PRKN: variants seen among roughly 807,000 people sequenced by gnomAD.
PRKN encodes the protein E3 ubiquitin-protein ligase parkin.
In PRKN, 56 loss-of-function variants were observed where a neutral mutation model predicts 59.5. That is an observed-to-expected ratio of 0.94 (90% confidence interval 0.76 to 1.18). PRKN has a LOEUF of 1.18. PRKN is among the 50% of genes most tolerant of loss of function. PRKN has a pLI of 0.00. For missense variants in PRKN, 657 were observed against 596.4 expected, an observed-to-expected ratio of 1.10 and a Z score of -1.06; for synonymous variants, 250 against 222.1, an observed-to-expected ratio of 1.13 and a Z score of -1.12.
chr6:162,197,375 A>G (rs1229369147), intron 4 of PRKN, among the ~76,000 whole-genome samples: 1 of 152,194 alleles, frequency 6.6e-6, no homozygotes, highest in African/African-American at 2.4e-5. Flanking sequence ...CCTATGGACT[A>G]GCTACACTAG....
intron 11 of PRKN, among the ~76,000 whole-genome samples, chr6:161,350,666 T>C (rs1784499381): frequency 1.2e-5 from 1 of 85,260 alleles, no homozygotes; most frequent in African/African-American, 5.2e-5. Context: ...TTTATATATT[T>C]ATATTTAAAA....
chr6:161,820,521 TA>T lies in PRKN; in HGVS notation c.735-34614del, dbSNP rs370391739. On this transcript the variant is annotated intron_variant, in intron 6 of 11. Transcript: ENST00000366898. ...ATATACTATGTAATTTTTCATAATTTAAAAAATAAAAATTTTATTCATTTAC... is the reference window on the plus strand; with the variant it reads ...ATATACTATGTAATTTTTCATAATTTAAAAATAAAAATTTTATTCATTTAC... Among the ~76,000 whole-genome samples the T allele has an allele frequency of 2.7e-3, 399 of 147,368 alleles. 17 individuals carry two copies. The South Asian group carries it at 0.069, about 26-fold the overall frequency.
intron 1 of PRKN, among the ~76,000 whole-genome samples, chr6:162,532,417 G>GT (rs1281977159): frequency 6.6e-6 from 1 of 152,216 alleles, no homozygotes; most frequent in African/African-American, 2.4e-5. Context: ...CAGGGGCTTG[G>GT]TTTTATCTTT....
chr6:161,364,118 G>A (rs1359739157), intron 10 of PRKN, among the ~76,000 whole-genome samples: 5 of 144,120 alleles, frequency 3.5e-5, no homozygotes, highest in Admixed American at 1.5e-4. Flanking sequence ...GCAGTGAGCC[G>A]AGATCACGCC....
At chr6:161,720,975 T>C (rs964135975) in intron 7 of PRKN, among the ~76,000 whole-genome samples, 114 of 152,192 alleles carry the variant, frequency 7.5e-4, no homozygotes, top group African/African-American at 2.5e-3. Context: ...TTAAAGCTTT[T>C]GGACTTAGGC....
intron 7 of PRKN, among the ~76,000 whole-genome samples, chr6:161,708,084 T>G (rs1007786730): frequency 1.3e-5 from 2 of 152,192 alleles, no homozygotes; most frequent in Non-Finnish European, 2.9e-5. Flanking sequence ...GAATTAAGTG[T>G]CTGATTCTAA....
chr6:162,166,135 G>GCT (rs1056218067), intron 4 of PRKN, among the ~76,000 whole-genome samples: 1 of 151,190 alleles, frequency 6.6e-6, no homozygotes, highest in African/African-American at 2.4e-5. Context: ...TTGTATAAAT[G>GCT]CTCTATTCAA....
chr6:161,915,229 T>C (rs1778510696), intron 6 of PRKN, among the ~76,000 whole-genome samples: 1 of 152,160 alleles, frequency 6.6e-6, no homozygotes. Flanking sequence ...GAGGTTGCAG[T>C]GAGCCGAGGT....
At chr6:162,025,374 C>A (rs1415966283) in intron 5 of PRKN, among the ~76,000 whole-genome samples, 1 of 152,056 alleles carries the variant, frequency 6.6e-6, no homozygotes, top group Non-Finnish European at 1.5e-5. Flanking sequence ...ACCATCAAAT[C>A]TGCAAAGGTA....
At chr6:161,978,005 G>GTTATTTTATTGTATT (rs1423811641) in intron 5 of PRKN, among the ~76,000 whole-genome samples, 4 of 149,252 alleles carry the variant, frequency 2.7e-5, no homozygotes, top group Non-Finnish European at 6.0e-5. Context: ...CTAATTTGCA[G>GTTATTTTATTGTATT]TTATTTTATT....
chr6:161,882,340 C>T (rs1024620858), intron 6 of PRKN, among the ~76,000 whole-genome samples: 1 of 152,056 alleles, frequency 6.6e-6, no homozygotes, highest in African/African-American at 2.4e-5. Flanking sequence ...GGCATGGGGG[C>T]GGGGCGGGGG....
rs1177984695 is a variant in PRKN, at chr6:161,872,109, G to GGAGA, written c.735-86205_735-86202dup. On this transcript the variant is annotated intron_variant, in intron 6 of 11. Transcript: ENST00000366898. The stretch of plus-strand genomic sequence containing the variant: ...GCCCTATTTAGCTTACATTCTAGTG[G>GGAGA]GAGAGAGAATAAATAGACAAACAAG... Among the ~76,000 whole-genome samples the GGAGA allele has an allele frequency of 2.6e-5, 4 of 152,222 alleles. No individual in the cohort carries two copies. The East Asian group carries it at 7.7e-4, about 29-fold the overall frequency.
chr6:161,615,812 A>G (rs953739238), intron 7 of PRKN, among the ~76,000 whole-genome samples: 2 of 152,232 alleles, frequency 1.3e-5, no homozygotes, highest in African/African-American at 4.8e-5. Flanking sequence ...CTGACTATGA[A>G]GCAAAGGGGG....
chr6:162,428,018 T>C (rs1315422084), intron 2 of PRKN, among the ~76,000 whole-genome samples: 1 of 152,168 alleles, frequency 6.6e-6, no homozygotes, highest in Admixed American at 6.5e-5. Flanking sequence ...GGCCCACTAG[T>C]ATTTGTCATA....
At chr6:162,019,221 G>A (rs1783040871) in intron 5 of PRKN, among the ~76,000 whole-genome samples, 1 of 152,162 alleles carries the variant, frequency 6.6e-6, no homozygotes, top group African/African-American at 2.4e-5. Context: ...AGCATTAAGT[G>A]CCAAGTCTCT....
intron 1 of PRKN, among the ~76,000 whole-genome samples, chr6:162,660,471 T>C (rs1778835497): frequency 1.3e-5 from 2 of 152,338 alleles, no homozygotes; most frequent in South Asian, 4.1e-4. Flanking sequence ...AAATGTGAAC[T>C]GATCCTTCAA....
intron 6 of PRKN, among the ~76,000 whole-genome samples, chr6:161,911,724 C>T (rs1157250512): frequency 1.3e-5 from 2 of 152,126 alleles, no homozygotes; most frequent in Non-Finnish European, 2.9e-5. Context: ...GCACTTCAAA[C>T]CAGTGGGAAG....
intron 6 of PRKN, among the ~76,000 whole-genome samples, chr6:161,862,581 C>A (rs1793946325): frequency 6.6e-6 from 1 of 152,130 alleles, no homozygotes; most frequent in South Asian, 2.1e-4. Flanking sequence ...AGCTCCCCTA[C>A]TGTGACCCCA....
chr6:161,585,686 C>T (rs1781497798), intron 7 of PRKN, among the ~76,000 whole-genome samples: 2 of 152,160 alleles, frequency 1.3e-5, no homozygotes, highest in Admixed American at 1.3e-4. Context: ...GAGTTTCAGG[C>T]TTTGTTGCAG....
Sources: gnomAD v4.1 joint callset for allele counts (sites outside exome capture counted in the v4.1 genomes callset) on GRCh38, gnomAD v4.1.1 for gene constraint, MANE v1.5 for transcripts, NCBI Gene and HGNC (gene_info 2026-07-23, HGNC 2026-07-21) for gene names.